Variants in SND1 observed in about 807,000 individuals in gnomAD.
The protein encoded by SND1 is staphylococcal nuclease and tudor domain containing 1, also known as staphylococcal nuclease domain-containing protein 1.
SND1 carries 38 observed loss-of-function variants against 121.7 expected under a neutral mutation model. That is an observed-to-expected ratio of 0.31 (90% CI 0.24 to 0.41). The LOEUF is 0.41. Ranked by LOEUF, SND1 falls within the 10% of genes least tolerant of loss-of-function variation. The probability of loss-of-function intolerance (pLI) is 1.00; values close to 1 mark genes in which losing one functional copy is unlikely to be tolerated. For synonymous variants in SND1, 401 were observed against 447.4 expected (o/e 0.90, Z 1.31); for missense variants, 868 against 1,184.6 (o/e 0.73, Z 3.92).
chr7:127,797,609 G>A (rs1428142068), intron 10 of SND1, among the ~76,000 whole-genome samples: 1 of 152,246 alleles, frequency 6.6e-6, no homozygotes, highest in African/African-American at 2.4e-5. Flanking sequence ...ACAGGGAAAG[G>A]AAGATGGGGC....
intron 10 of SND1, among the ~76,000 whole-genome samples, chr7:127,759,082 A>ATAGATAGG (rs1248713905): frequency 1.3e-5 from 2 of 151,998 alleles, no homozygotes; most frequent in African/African-American, 4.8e-5. Flanking sequence ...AGATAGATAG[A>ATAGATAGG]TAGATAGATA....
At chr7:128,020,531 C>T (rs1437819311) in intron 16 of SND1, among the ~76,000 whole-genome samples, 3 of 152,210 alleles carry the variant, frequency 2.0e-5, no homozygotes, top group Non-Finnish European at 4.4e-5. Context: ...GAGGGTTCAA[C>T]TAGATTTTCT....
At chr7:128,073,741 G>A (rs78302687) in intron 16 of SND1, among the ~76,000 whole-genome samples, 2,647 of 152,326 alleles carry the variant, frequency 0.017, 36 homozygotes, top group Middle Eastern at 0.027. Flanking sequence ...TGGCCTTCAC[G>A]ATGTGGGAGC....
chr7:127,907,139 A>G (rs1800357924), intron 14 of SND1, among the ~76,000 whole-genome samples: 1 of 152,222 alleles, frequency 6.6e-6, no homozygotes. Context: ...TGGATGTCAG[A>G]TATGACCTTG....
intron 10 of SND1, among the ~76,000 whole-genome samples, chr7:127,782,494 A>G (rs1267749097): frequency 6.6e-6 from 1 of 152,176 alleles, no homozygotes; most frequent in Non-Finnish European, 1.5e-5. Flanking sequence ...TTTAAGCCTC[A>G]TTCTGTCATA....
At chr7:127,853,446 G>A (rs558819519) in intron 12 of SND1, among the ~76,000 whole-genome samples, 3 of 152,140 alleles carry the variant, frequency 2.0e-5, no homozygotes, top group African/African-American at 4.8e-5. Flanking sequence ...TTTCCACCAC[G>A]TTACAGGTAA....
intron 12 of SND1, among the ~76,000 whole-genome samples, chr7:127,853,283 ACTT>A (rs1263002000): frequency 1.5e-4 from 23 of 152,276 alleles, no homozygotes; most frequent in Non-Finnish European, 2.8e-4. Flanking sequence ...GTCCATCTAA[ACTT>A]CTTCCCGTGT....
chr7:127,951,240 A>G (rs1484189480), intron 15 of SND1, among the ~76,000 whole-genome samples: 1 of 152,192 alleles, frequency 6.6e-6, no homozygotes, highest in Non-Finnish European at 1.5e-5. Context: ...ATCTAGCCTT[A>G]GGGAAAAAAA....
At chr7:127,778,111 A>G (rs1797653198) in intron 10 of SND1, among the ~76,000 whole-genome samples, 1 of 152,144 alleles carries the variant, frequency 6.6e-6, no homozygotes. Context: ...CTTACCTTCC[A>G]TCTAGAGTTT....
At chr7:127,908,546 C>G (rs1270262598) in intron 14 of SND1, among the ~76,000 whole-genome samples, 1 of 152,058 alleles carries the variant, frequency 6.6e-6, no homozygotes, top group East Asian at 1.9e-4. Flanking sequence ...CCATTTCTAT[C>G]ATAGTCTAGT....
At chr7:127,963,121 T>C (rs1287306457) in intron 15 of SND1, among the ~76,000 whole-genome samples, 1 of 152,150 alleles carries the variant, frequency 6.6e-6, no homozygotes, top group Non-Finnish European at 1.5e-5. Flanking sequence ...AACAAGGAGA[T>C]TGGGGCAGCT....
chr7:127,958,744 C>T (rs1263335496), intron 15 of SND1, among the ~76,000 whole-genome samples: 1 of 152,158 alleles, frequency 6.6e-6, no homozygotes, highest in African/African-American at 2.4e-5. Context: ...CCTGCTTTCC[C>T]CGCCTCTGTA....
chr7:127,742,490 G>A (rs1345828920), intron 10 of SND1, among the ~76,000 whole-genome samples: 1 of 151,406 alleles, frequency 6.6e-6, no homozygotes, highest in Non-Finnish European at 1.5e-5. Flanking sequence ...CGTTTTTCCT[G>A]CAATACTTTT....
intron 16 of SND1, among the ~76,000 whole-genome samples, chr7:128,051,722 G>T (rs1473383812): frequency 1.3e-5 from 2 of 152,204 alleles, no homozygotes; most frequent in East Asian, 3.8e-4. Flanking sequence ...GGGATGGAAA[G>T]AAAGGACAAA....
At chr7:127,706,227 G>GTATTCTTTAATTTCTTGC (rs1796193084) in intron 8 of SND1, among the ~76,000 whole-genome samples, 1 of 87,746 alleles carries the variant, frequency 1.1e-5, no homozygotes. Context: ...GATTTTTTTT[G>GTATTCTTTAATTTCTTGC]CATTCTTTAA....
intron 10 of SND1, among the ~76,000 whole-genome samples, chr7:127,734,707 C>T (rs552986330): frequency 1.8e-4 from 27 of 152,220 alleles, no homozygotes; most frequent in Middle Eastern, 3.4e-3. Flanking sequence ...TTAGTGTTAG[C>T]GGACGATCTG....
intron 10 of SND1, among the ~76,000 whole-genome samples, chr7:127,794,358 A>G (rs957532647): frequency 3.3e-5 from 5 of 152,200 alleles, no homozygotes; most frequent in Admixed American, 2.6e-4. Context: ...TGAAATGCAC[A>G]ACAATTCATT....
chr7:127,767,686 G>A (rs1281767111), intron 10 of SND1, among the ~76,000 whole-genome samples: 1 of 152,130 alleles, frequency 6.6e-6, no homozygotes, highest in African/African-American at 2.4e-5. Flanking sequence ...CAGTGCTGGG[G>A]ACCAGAACAC....
intron 1 of SND1, among the ~76,000 whole-genome samples, chr7:127,671,714 A>G (rs1795520432): frequency 6.6e-6 from 1 of 152,134 alleles, no homozygotes; most frequent in Admixed American, 6.6e-5. Flanking sequence ...TATTTGATAT[A>G]TATTTTTGAT....
Sources: gnomAD v4.1 joint callset for allele counts (sites outside exome capture counted in the v4.1 genomes callset) on GRCh38, gnomAD v4.1.1 for gene constraint, MANE v1.5 for transcripts, NCBI Gene and HGNC (gene_info 2026-07-23, HGNC 2026-07-21) for gene names.